Variants in RIMBP2 observed in about 807,000 individuals in gnomAD.
RIMBP2 encodes the protein RIMS-binding protein 2.
In RIMBP2, 48 loss-of-function variants were observed where a neutral mutation model predicts 118.6. The ratio of observed to expected loss-of-function variants is 0.40; its 90% confidence interval spans 0.32 to 0.51. The LOEUF (loss-of-function observed/expected upper bound fraction) is 0.51. Ranked by LOEUF, RIMBP2 falls within the 20% of genes least tolerant of loss-of-function variation. The pLI is 0.41. For missense variants in RIMBP2, 1,551 were observed against 1,768.3 expected, an observed-to-expected ratio of 0.88 and a Z score of 2.20; for synonymous variants, 762 against 742.9, an observed-to-expected ratio of 1.03 and a Z score of -0.42.
intron 2 of RIMBP2, among the ~76,000 whole-genome samples, chr12:130,605,615 C>T (rs528351935): frequency 1.2e-4 from 19 of 152,100 alleles, no homozygotes; most frequent in Non-Finnish European, 2.4e-4. Context: ...ACAATATCTA[C>T]AACTTTGAAA....
At chr12:130,652,758 AC>A (rs2063281170) in intron 1 of RIMBP2, among the ~76,000 whole-genome samples, 1 of 152,202 alleles carries the variant, frequency 6.6e-6, no homozygotes, top group Non-Finnish European at 1.5e-5. Flanking sequence ...TGGTGCCAGC[AC>A]CTGCTTCTGG....
At chr12:130,443,773 C>A (rs190538087) in intron 10 of RIMBP2, among the ~76,000 whole-genome samples, 1 of 152,062 alleles carries the variant, frequency 6.6e-6, no homozygotes, top group East Asian at 1.9e-4. Flanking sequence ...ATGATGGTGA[C>A]GGTGATGATG....
At chr12:130,585,663 A>C (rs556231217) in intron 2 of RIMBP2, among the ~76,000 whole-genome samples, 1 of 151,832 alleles carries the variant, frequency 6.6e-6, no homozygotes, top group Non-Finnish European at 1.5e-5. Flanking sequence ...AAGATTCTAC[A>C]TGAGAATCTG....
rs1301781840 is a variant in RIMBP2 at position 130,445,336 on chromosome 12, A to G, written c.582-67T>C. The G allele has an allele frequency of 1.7e-5, 19 of 1,113,042 alleles. No individual in the cohort carries two copies. The African/African-American group carries it at 1.9e-4, about 11-fold the overall frequency. 68.9% of individuals were successfully genotyped at this position (1,113,042 alleles called of 1,614,324 possible). A position where few individuals can be genotyped will look rare whatever the true frequency, so the allele number is the denominator to read the frequency against. On this transcript the variant is annotated intron_variant, in intron 9 of 22. Coordinates refer to ENST00000690449, the MANE Select transcript of RIMBP2 (RefSeq NM_001393629.1). ...ACACAGCCCGCACCCCTGTCCGTGC[A>G]GAACGCCAGACGGGCACATGGCTTC...
chr12:130,638,127 G>GT (rs1323911080), intron 1 of RIMBP2, among the ~76,000 whole-genome samples: 4 of 152,274 alleles, frequency 2.6e-5, no homozygotes, highest in African/African-American at 7.2e-5. Flanking sequence ...AATCGCCAAT[G>GT]TCTTGCCTTC....
intron 2 of RIMBP2, among the ~76,000 whole-genome samples, chr12:130,586,086 G>A (rs1018111071): frequency 6.6e-6 from 1 of 152,198 alleles, no homozygotes; most frequent in Non-Finnish European, 1.5e-5. Flanking sequence ...TGATTAACCA[G>A]GAAATATTCA....
In RIMBP2 at chr12:130,437,080, C is replaced by A; in HGVS notation, c.1868G>T (p.Gly623Val). The change falls in exon 13 of 23, where the codon GGA becomes GTA. Residue 623 changes from glycine to valine, a missense_variant. Around this residue, in one of 5 missense-constraint regions of RIMBP2, gnomAD observed 1,038 missense variants for 1,125.1 expected, o/e 0.92. Transcript: ENST00000690449. ...GTGCTCGTCTTTGGTTTCGGGGACTCCAGAACTTGCTAATGGCTTTGATTG... is the reference window on the plus strand; with the variant it reads ...GTGCTCGTCTTTGGTTTCGGGGACTACAGAACTTGCTAATGGCTTTGATTG... ...APQSKPLASS[G>V]VPETKDEHLG... The A allele has an allele frequency of 1.3e-6, 2 of 1,576,906 alleles. No homozygotes were observed. The highest frequency in any genetic ancestry group is 2.3e-5 in the South Asian group (2 of 85,260).
intron 22 of RIMBP2, chr12:130,398,223 A>G (rs1402835747): frequency 6.6e-6 from 1 of 152,236 alleles, no homozygotes; most frequent in Non-Finnish European, 1.5e-5. Context: ...CTTTTACTCT[A>G]ATACGCTGCA....
intron 3 of RIMBP2, among the ~76,000 whole-genome samples, chr12:130,515,878 A>G (rs1167291752): frequency 1.3e-5 from 2 of 151,906 alleles, no homozygotes; most frequent in Non-Finnish European, 2.9e-5. Flanking sequence ...TTGTATTTTT[A>G]GTAGAGATGG....
intron 7 of RIMBP2, among the ~76,000 whole-genome samples, chr12:130,453,966 A>G (rs962280211): frequency 3.9e-5 from 6 of 152,184 alleles, no homozygotes; most frequent in Non-Finnish European, 7.3e-5. Flanking sequence ...AGGCAGGAGA[A>G]TCGCTTGAAC....
chr12:130,679,185 C>G (rs2064651480), intron 1 of RIMBP2, among the ~76,000 whole-genome samples: 2 of 152,100 alleles, frequency 1.3e-5, no homozygotes, highest in South Asian at 4.2e-4. Context: ...TTAGGTAATG[C>G]AAACGAATGA....
rs767198436 is a variant in RIMBP2 at position 130,683,696 on chromosome 12, T to C, written c.-352+32526A>G. ...CCAAGATGACCACAAGAGTGATCTC[T>C]GGTCATCCTCATTGCTACACTCCCA... On this transcript the variant is annotated intron_variant, in intron 1 of 22. Coordinates refer to ENST00000690449, the MANE Select transcript of RIMBP2 (RefSeq NM_001393629.1). The surrounding 1 kb of genome is among the most constrained non-coding windows in gnomAD (Gnocchi z 4.4). Among the ~76,000 whole-genome samples the C allele has an allele frequency of 6.6e-6, 1 of 152,206 alleles. No individual in the cohort carries two copies. The highest frequency in any genetic ancestry group is 1.5e-5 in the Non-Finnish European group (1 of 68,046).
At chr12:130,709,234 T>C (rs1398934874) in intron 1 of RIMBP2, among the ~76,000 whole-genome samples, 1 of 152,234 alleles carries the variant, frequency 6.6e-6, no homozygotes, top group East Asian at 1.9e-4. Context: ...TGGGGAACTG[T>C]CTGGACAGAG....
In RIMBP2 at chr12:130,454,084, G is replaced by T. The variant is rs568780391; in HGVS notation, c.358+2412C>A. Among the ~76,000 whole-genome samples, 12 of 152,208 alleles carry T rather than the reference G, an allele frequency of 7.9e-5. No individual in the cohort carries two copies. In the East Asian group the frequency reaches 2.3e-3, roughly 29 times the overall value. On this transcript the variant is annotated intron_variant, in intron 7 of 22. Transcript: ENST00000690449. ...ACAAAACACAAAAAACAAAATGCTG[G>T]ATTATAGACTTGAAGTTTACAAAGG...
chr12:130,474,933 C>T (rs916753969), intron 5 of RIMBP2, among the ~76,000 whole-genome samples: 3 of 152,186 alleles, frequency 2.0e-5, no homozygotes, highest in African/African-American at 2.4e-5. Context: ...TGAGACGCTC[C>T]GTAAACGTCT....
rs183193967 is a variant in RIMBP2 at position 130,611,475 on chromosome 12, C to A, written c.-217+16847G>T. ...CTTCATTTACCCGCATCTCTGCCCC[C>A]GATCCTCCGCTGGAAGACACCGGCT... On this transcript the variant is annotated intron_variant, in intron 2 of 22. Transcript: ENST00000690449. Among the ~76,000 whole-genome samples, 301 of 152,320 alleles carry A rather than the reference C, an allele frequency of 2.0e-3. 3 individuals carry two copies. The South Asian group carries it at 0.021, about 11-fold the overall frequency.
At chr12:130,404,259 G>A (rs888800927) in intron 21 of RIMBP2, among the ~76,000 whole-genome samples, 2 of 152,058 alleles carry the variant, frequency 1.3e-5, no homozygotes, top group Non-Finnish European at 2.9e-5. Flanking sequence ...ATATATGCTA[G>A]GGGGAAAAAT....
chr12:130,557,264 C>T (rs1167744095), intron 2 of RIMBP2, among the ~76,000 whole-genome samples: 1 of 151,970 alleles, frequency 6.6e-6, no homozygotes, highest in Non-Finnish European at 1.5e-5. Flanking sequence ...GCAGTGGAGC[C>T]CCCCACAGCC....
At chr12:130,664,219 G>T (rs561711658) in intron 1 of RIMBP2, among the ~76,000 whole-genome samples, 4 of 151,692 alleles carry the variant, frequency 2.6e-5, no homozygotes, top group Non-Finnish European at 4.4e-5. Flanking sequence ...TAGAATCCAG[G>T]TTTCTCAGTC....
Sources: allele counts gnomAD v4.1 joint callset (sites outside exome capture counted in the v4.1 genomes callset), GRCh38; gene constraint gnomAD v4.1.1; regional missense constraint gnomAD v4.1.1; non-coding constraint Gnocchi (gnomAD v3.1); transcripts MANE v1.5; gene names NCBI Gene and HGNC (gene_info 2026-07-23, HGNC 2026-07-21).